METTL15: variants seen among roughly 807,000 people sequenced by gnomAD.
The protein encoded by METTL15 is methyltransferase 15, mitochondrial 12S rRNA N4-cytidine.
METTL15 carries 34 observed loss-of-function variants against 38.3 expected under a neutral mutation model. That is an observed-to-expected ratio of 0.89 (90% CI 0.68 to 1.18). The LOEUF is 1.18. Among genes scored for constraint, METTL15 ranks in the 50% most tolerant of loss-of-function variants. METTL15 has a pLI of 0.00. For missense variants in METTL15, 438 were observed against 498.4 expected (o/e 0.88, Z 1.15); for synonymous variants, 162 against 170.9 (o/e 0.95, Z 0.41).
intron 5 of METTL15, among the ~76,000 whole-genome samples, chr11:28,416,740 A>G (rs1332870021): frequency 6.6e-6 from 1 of 152,200 alleles, no homozygotes; most frequent in Non-Finnish European, 1.5e-5. Flanking sequence ...CAGCTGCCTC[A>G]GGAGAAACAA....
chr11:28,262,451 A>G (rs967207896), intron 4 of METTL15, among the ~76,000 whole-genome samples: 1 of 151,708 alleles, frequency 6.6e-6, no homozygotes, highest in African/African-American at 2.4e-5. Context: ...CATAGTTACT[A>G]CATAGTCTTA....
intron 3 of METTL15, among the ~76,000 whole-genome samples, chr11:28,131,362 C>T (rs929553301): frequency 1.3e-5 from 2 of 152,130 alleles, no homozygotes; most frequent in Admixed American, 6.6e-5. Context: ...ATCTCTAGCC[C>T]AGGTTTACCT....
At chr11:28,272,151 A>G (rs1173641142) in intron 4 of METTL15, among the ~76,000 whole-genome samples, 3 of 152,174 alleles carry the variant, frequency 2.0e-5, no homozygotes, top group Admixed American at 6.5e-5. Flanking sequence ...ATTGTGGAAG[A>G]CAATGTGGCG....
intron 3 of METTL15, among the ~76,000 whole-genome samples, chr11:28,169,850 CAG>C (rs1226094996): frequency 6.6e-6 from 1 of 151,964 alleles, no homozygotes; most frequent in Non-Finnish European, 1.5e-5. Context: ...ACTTTTGCAG[CAG>C]AGTGTTGTTA....
intron 4 of METTL15, among the ~76,000 whole-genome samples, chr11:28,223,048 A>G (rs915861126): frequency 1.3e-5 from 2 of 152,154 alleles, no homozygotes; most frequent in South Asian, 2.1e-4. Context: ...GGATACTTTC[A>G]TCTATTTTGG....
At chr11:28,266,807 C>T (rs1220802261) in intron 4 of METTL15, among the ~76,000 whole-genome samples, 2 of 152,250 alleles carry the variant, frequency 1.3e-5, no homozygotes, top group East Asian at 1.9e-4. Context: ...CCTTTCAAAA[C>T]GTGTCAGATT....
chr11:28,348,012 CACTT>C lies in METTL15; in HGVS notation c.*190-4074_*190-4071del, dbSNP rs1289044963. ...TTATGAAGTTTTGGTCTGACTGTCACACTTACTATTTTATTTTCATTACCATCCT... is the reference window on the plus strand; with the variant it reads ...TTATGAAGTTTTGGTCTGACTGTCACACTATTTTATTTTCATTACCATCCT... On this transcript the variant is annotated intron_variant and NMD_transcript_variant, in intron 3 of 7. Transcript: ENST00000532947. Among the ~76,000 whole-genome samples, 5 of 152,180 alleles carry C rather than the reference CACTT, an allele frequency of 3.3e-5. No homozygotes were observed. In the South Asian group the frequency reaches 6.2e-4, roughly 19 times the overall value.
At chr11:28,230,273 C>A (rs1355051869) in intron 4 of METTL15, among the ~76,000 whole-genome samples, 1 of 151,836 alleles carries the variant, frequency 6.6e-6, no homozygotes, top group Non-Finnish European at 1.5e-5. Flanking sequence ...CCTCTGCATC[C>A]ATTCCTAAGT....
At chr11:28,260,921 C>A (rs1855176983) in intron 4 of METTL15, among the ~76,000 whole-genome samples, 1 of 152,078 alleles carries the variant, frequency 6.6e-6, no homozygotes, top group Non-Finnish European at 1.5e-5. Flanking sequence ...GAGTTAAGGC[C>A]TGTTGGTTGG....
At chr11:28,366,323 C>G (rs1427735888) in intron 5 of METTL15, among the ~76,000 whole-genome samples, 1 of 151,982 alleles carries the variant, frequency 6.6e-6, no homozygotes, top group Non-Finnish European at 1.5e-5. Context: ...AGAAGCAGAC[C>G]AGAATATGGT....
chr11:28,276,397 G>T (rs1451394670), intron 4 of METTL15, among the ~76,000 whole-genome samples: 1 of 152,046 alleles, frequency 6.6e-6, no homozygotes, highest in African/African-American at 2.4e-5. Flanking sequence ...GGAGCGGAAA[G>T]ATCTCTATAA....
intron 4 of METTL15, among the ~76,000 whole-genome samples, chr11:28,235,306 T>C (rs1442492483): frequency 1.3e-5 from 2 of 152,106 alleles, no homozygotes; most frequent in Non-Finnish European, 2.9e-5. Flanking sequence ...TTTGATTCCA[T>C]ATGCACTTTA....
intron 6 of METTL15, among the ~76,000 whole-genome samples, chr11:28,521,644 C>A (rs1024002321): frequency 6.6e-6 from 1 of 152,078 alleles, no homozygotes; most frequent in Non-Finnish European, 1.5e-5. Context: ...TGGGCTCCCT[C>A]ATGCTCCACT....
intron 4 of METTL15, among the ~76,000 whole-genome samples, chr11:28,267,160 C>CAAAAAA (rs57831121): frequency 3.7e-5 from 2 of 53,758 alleles, no homozygotes; most frequent in East Asian, 4.7e-4. Flanking sequence ...AACTCCATCT[C>CAAAAAA]AAAAAAAAAA....
chr11:28,233,842 T>C (rs573352767), intron 4 of METTL15, among the ~76,000 whole-genome samples: 1 of 152,058 alleles, frequency 6.6e-6, no homozygotes, highest in East Asian at 1.9e-4. Context: ...TTAGGGTACA[T>C]GTGCACAATG....
intron 6 of METTL15, among the ~76,000 whole-genome samples, chr11:28,458,428 A>G (rs1255746864): frequency 6.6e-6 from 1 of 152,190 alleles, no homozygotes; most frequent in Non-Finnish European, 1.5e-5. Flanking sequence ...AACTTGCCCA[A>G]TGTTTTATAG....
chr11:28,438,666 T>C (rs992873438), intron 6 of METTL15, among the ~76,000 whole-genome samples: 1 of 149,946 alleles, frequency 6.7e-6, no homozygotes, highest in African/African-American at 2.5e-5. Context: ...TTCTTTTTTC[T>C]TTTTTCTTTT....
At chr11:28,414,488 G>T (rs370334811) in intron 5 of METTL15, among the ~76,000 whole-genome samples, 1 of 152,056 alleles carries the variant, frequency 6.6e-6, no homozygotes, top group African/African-American at 2.4e-5. Context: ...CTGAAGAGGG[G>T]CAAGGAATAG....
chr11:28,193,625 T>C (rs1851782176), intron 3 of METTL15, among the ~76,000 whole-genome samples: 1 of 152,130 alleles, frequency 6.6e-6, no homozygotes, highest in African/African-American at 2.4e-5. Flanking sequence ...CATTCCATAA[T>C]TGTTTATATA....
Sources: allele counts gnomAD v4.1 joint callset (sites outside exome capture counted in the v4.1 genomes callset), GRCh38; gene constraint gnomAD v4.1.1; transcripts MANE v1.5; gene names NCBI Gene and HGNC (gene_info 2026-07-23, HGNC 2026-07-21).